The following STK4 variants were observed in gnomAD, a reference collection of about 807,000 sequenced individuals.
STK4 encodes the protein serine/threonine-protein kinase 4.
STK4 carries 30 observed loss-of-function variants against 64.9 expected under a neutral mutation model. The observed-to-expected ratio is 0.46, with a 90% CI of 0.35 to 0.63. The LOEUF (loss-of-function observed/expected upper bound fraction) is 0.63, where lower values mean the gene tolerates loss of function less well. Among genes scored for constraint, STK4 ranks in the 20% least tolerant of loss-of-function variants. The pLI is 0.01. For synonymous variants in STK4, 177 were observed against 199.0 expected (o/e 0.89, Z 0.93); for missense variants, 466 against 598.5 (o/e 0.78, Z 2.31).
intron 10 of STK4, among the ~76,000 whole-genome samples, chr20:45,058,867 C>T (rs1359506792): frequency 6.6e-6 from 1 of 152,166 alleles, no homozygotes; most frequent in Non-Finnish European, 1.5e-5. Flanking sequence ...TCAAGAGCCT[C>T]GCATTCTTGT....
At chr20:45,048,394 G>A (rs549506748) in intron 10 of STK4, among the ~76,000 whole-genome samples, 1 of 152,268 alleles carries the variant, frequency 6.6e-6, no homozygotes, top group African/African-American at 2.4e-5. Context: ...ATGAACTACT[G>A]GAAAAGGGAA....
In STK4 at chr20:45,058,441, T is replaced by C. The variant is rs187533518; in HGVS notation, c.1306-16577T>C. On this transcript the variant is annotated intron_variant, in intron 10 of 10. Transcript: ENST00000372806. ...GTAGCTTACTTAGGGAATTTCTATTTGTATTCTTGACAAGTTTTCTGTAAG... is the reference window on the plus strand; with the variant it reads ...GTAGCTTACTTAGGGAATTTCTATTCGTATTCTTGACAAGTTTTCTGTAAG... 4.1e-4 allele frequency among the ~76,000 whole-genome samples: 63 copies of C among 152,344 alleles called. 1 individual carries two copies. Among genetic ancestry groups the C allele is most frequent in the African/African-American group, 1.5e-3 (63 of 41,578 alleles).
chr20:44,970,715 T>G (rs935339482), intron 1 of STK4: 2 of 152,212 alleles, frequency 1.3e-5, no homozygotes, highest in Non-Finnish European at 2.9e-5. Flanking sequence ...AGTTTTGACT[T>G]GGAGCAGTTC....
At chr20:45,034,737 TC>T (rs1354490215) in intron 10 of STK4, among the ~76,000 whole-genome samples, 2 of 151,738 alleles carry the variant, frequency 1.3e-5, no homozygotes, top group African/African-American at 4.8e-5. Context: ...CATAGTGAGA[TC>T]CCCATCTCTA....
chr20:45,015,443 C>T (rs894893612), intron 9 of STK4, among the ~76,000 whole-genome samples: 1 of 152,188 alleles, frequency 6.6e-6, no homozygotes, highest in African/African-American at 2.4e-5. Context: ...ACCACGGTAG[C>T]CTTACTGTCC....
intron 9 of STK4, 115 bp downstream of exon 9, chr20:45,001,468 A>G: frequency 1.6e-6 from 2 of 1,273,270 alleles, no homozygotes; most frequent in Non-Finnish European, 2.1e-6. Context: ...TGTCACAACC[A>G]AAGGAGTAGA....
At chr20:45,020,255 T>C (rs2068218516) in intron 9 of STK4, among the ~76,000 whole-genome samples, 2 of 152,214 alleles carry the variant, frequency 1.3e-5, no homozygotes, top group Non-Finnish European at 2.9e-5. Flanking sequence ...TGTAAGGCTT[T>C]TCCCCCTCTA....
chr20:45,053,812 G>T (rs1721971727), intron 10 of STK4, among the ~76,000 whole-genome samples: 2 of 152,272 alleles, frequency 1.3e-5, no homozygotes, highest in South Asian at 4.1e-4. Flanking sequence ...TTGACTACCT[G>T]CAGTCATTTC....
intron 10 of STK4, among the ~76,000 whole-genome samples, chr20:45,069,959 G>A (rs932325592): frequency 2.0e-5 from 3 of 151,758 alleles, no homozygotes; most frequent in African/African-American, 7.3e-5. Context: ...AGTCTTTCTA[G>A]ATAAGATGGT....
intron 9 of STK4, among the ~76,000 whole-genome samples, chr20:45,005,110 G>A (rs1235979631): frequency 6.6e-6 from 1 of 151,824 alleles, no homozygotes; most frequent in Non-Finnish European, 1.5e-5. Flanking sequence ...AGTCCTCACC[G>A]CCATCACTTC....
At position 45,075,275 on chromosome 20, in the gene STK4, C is replaced by G; in HGVS notation, c.*99C>G. The G allele has an allele frequency of 6.9e-7, 1 of 1,457,564 alleles. No homozygotes were observed. Among genetic ancestry groups the G allele is most frequent in the Non-Finnish European group, 9.2e-7 (1 of 1,085,680 alleles). The allele number at this position is 1,457,564 out of a possible 1,614,324, so 90.3% of individuals were successfully genotyped here. On this transcript the variant is annotated 3_prime_UTR_variant, in exon 11 of 11. Coordinates refer to ENST00000372806, the MANE Select transcript of STK4 (RefSeq NM_006282.5). ...TTAGCCAGCACTTCTGCTCTGTCGT[C>G]TCTCCACAGCACCTTTGTGAACTCA...
intron 9 of STK4, among the ~76,000 whole-genome samples, chr20:45,022,632 A>G (rs1330021152): frequency 6.6e-6 from 1 of 152,242 alleles, no homozygotes; most frequent in Non-Finnish European, 1.5e-5. Flanking sequence ...GTGTTTCATC[A>G]TCCTTGGTTT....
intron 9 of STK4, among the ~76,000 whole-genome samples, chr20:45,015,851 G>T (rs1228698475): frequency 6.6e-6 from 1 of 152,164 alleles, no homozygotes; most frequent in East Asian, 1.9e-4. Flanking sequence ...ATGTGTAAAT[G>T]CTCAAAAATG....
rs1327433472 is a variant in STK4 at position 45,076,817 on chromosome 20, T to A, written c.*1641T>A. On this transcript the variant is annotated 3_prime_UTR_variant, in exon 11 of 11. Transcript: ENST00000372806. This position sits in a 1 kb window ranked among gnomAD's most constrained non-coding sequence, Gnocchi z 4.0. ...TGGGAATCAATGGAAAGGCAGGGAA[T>A]GTGCCTCTTCTGTGGCCAGATTCTG... The A allele has an allele frequency of 6.6e-6, 1 of 152,234 alleles. No homozygotes were observed. Among genetic ancestry groups the A allele is most frequent in the Non-Finnish European group, 1.5e-5 (1 of 68,044 alleles). 9.4% of individuals were successfully genotyped at this position (152,234 alleles called of 1,614,324 possible).
chr20:45,000,334 T>C (rs1017039691), intron 7 of STK4, 58 bp from the exon 8 acceptor site: 1 of 1,566,862 alleles, frequency 6.4e-7, no homozygotes, highest in African/African-American at 1.4e-5. Context: ...TTCCAGGTAC[T>C]GTTTTGGCAC....
At chr20:45,001,480 A>G (rs1293904882) in intron 9 of STK4, 127 bp downstream of exon 9, 4 of 1,210,182 alleles carry the variant, frequency 3.3e-6, no homozygotes, top group African/African-American at 1.5e-5. Context: ...AGGAGTAGAA[A>G]ACTTGGAAGT....
At chr20:44,985,955 T>C (rs184947934) in intron 4 of STK4, among the ~76,000 whole-genome samples, 1 of 152,310 alleles carries the variant, frequency 6.6e-6, no homozygotes, top group Non-Finnish European at 1.5e-5. Flanking sequence ...TGTTGATAGA[T>C]TGAGTTTGTT....
intron 10 of STK4, among the ~76,000 whole-genome samples, chr20:45,073,879 A>G (rs1888831522): frequency 6.6e-6 from 1 of 152,192 alleles, no homozygotes; most frequent in Non-Finnish European, 1.5e-5. Flanking sequence ...AGAACTTTAC[A>G]GCCGTGATCT....
intron 10 of STK4, among the ~76,000 whole-genome samples, chr20:45,040,168 A>G (rs751486199): frequency 6.6e-6 from 1 of 151,168 alleles, no homozygotes; most frequent in Non-Finnish European, 1.5e-5. Context: ...AGTGAAGGTC[A>G]TTGTCTGGAT....
Sources: gnomAD v4.1 joint callset for allele counts (sites outside exome capture counted in the v4.1 genomes callset) on GRCh38, gnomAD v4.1.1 for gene constraint, Gnocchi (gnomAD v3.1) non-coding constraint, MANE v1.5 for transcripts, NCBI Gene and HGNC (gene_info 2026-07-23, HGNC 2026-07-21) for gene names.